LAMA3: variants seen among roughly 807,000 people sequenced by gnomAD.
LAMA3 encodes the protein laminin subunit alpha 3.
LAMA3 carries 281 observed loss-of-function variants against 402.0 expected under a neutral mutation model. The ratio of observed to expected loss-of-function variants is 0.70; its 90% confidence interval spans 0.63 to 0.77. The LOEUF is 0.77. Ranked by LOEUF, LAMA3 falls within the 30% of genes least tolerant of loss-of-function variation. LAMA3 has a pLI of 0.00. For missense variants in LAMA3, 3,840 were observed against 4,215.5 expected (o/e 0.91, Z 2.47); for synonymous variants, 1,431 against 1,558.4 (o/e 0.92, Z 1.93).
chr18:23,763,812 C>A (rs2062023125), intron 8 of LAMA3, among the ~76,000 whole-genome samples: 1 of 152,110 alleles, frequency 6.6e-6, no homozygotes, highest in South Asian at 2.1e-4. Flanking sequence ...TGCTATCCAA[C>A]TTGTGATAGA....
intron 1 of LAMA3, among the ~76,000 whole-genome samples, chr18:23,696,258 G>GTACT (rs1464501709): frequency 4.6e-5 from 7 of 152,134 alleles, no homozygotes; most frequent in Non-Finnish European, 1.0e-4. Flanking sequence ...TGAGGACTTA[G>GTACT]CATTTACTGT....
At chr18:23,750,878 A>C (rs753195862) in intron 4 of LAMA3, 40 bp from the exon 5 acceptor site, 8 of 1,611,596 alleles carry the variant, frequency 5.0e-6, no homozygotes, top group Non-Finnish European at 6.8e-6. Flanking sequence ...TTTTGATAAA[A>C]GGAACTTTTT....
intron 51 of LAMA3, 97 bp downstream of exon 51, chr18:23,904,791 T>C (rs932259913): frequency 1.8e-5 from 24 of 1,309,196 alleles, no homozygotes; most frequent in Non-Finnish European, 2.5e-5. Context: ...AAACAAAGCA[T>C]TATTTTAAAT....
intron 59 of LAMA3, 58 bp downstream of exon 59, chr18:23,915,480 C>G: frequency 6.6e-7 from 1 of 1,504,732 alleles, no homozygotes; most frequent in Non-Finnish European, 9.2e-7. Context: ...ACTTGCAGTA[C>G]TTTTACATAT....
At chr18:23,716,027 A>G (rs1007620870) in intron 2 of LAMA3, among the ~76,000 whole-genome samples, 6 of 152,220 alleles carry the variant, frequency 3.9e-5, no homozygotes, top group Non-Finnish European at 8.8e-5. Flanking sequence ...AGGAATTCAC[A>G]GAGAGCCTTC....
chr18:23,787,893 AAG>A (rs928444713), intron 12 of LAMA3, among the ~76,000 whole-genome samples: 5 of 152,176 alleles, frequency 3.3e-5, no homozygotes, highest in South Asian at 2.1e-4. Flanking sequence ...AAAATTACAA[AAG>A]AGAGTATAAT....
intron 32 of LAMA3, among the ~76,000 whole-genome samples, chr18:23,850,970 A>G (rs1358555379): frequency 6.6e-6 from 1 of 152,252 alleles, no homozygotes; most frequent in African/African-American, 2.4e-5. Context: ...TCAGAAGGGT[A>G]GTAGCCACAG....
chr18:23,867,457 G>A (rs2064386818), intron 36 of LAMA3, among the ~76,000 whole-genome samples: 1 of 150,556 alleles, frequency 6.6e-6, no homozygotes, highest in South Asian at 2.1e-4. Flanking sequence ...GCTAAGGCAG[G>A]AGAATCGCTT....
At chr18:23,859,944 A>T (rs1009550817) in intron 34 of LAMA3, among the ~76,000 whole-genome samples, 5 of 152,108 alleles carry the variant, frequency 3.3e-5, no homozygotes, top group African/African-American at 1.2e-4. Flanking sequence ...GCCACCACTT[A>T]TCTCATTAGC....
Position 23,923,745 on chromosome 18 carries a change from A to G in LAMA3, c.8177+2160A>G, listed in dbSNP as rs544150839. Among the ~76,000 whole-genome samples, 4 of 152,322 alleles carry G rather than the reference A, an allele frequency of 2.6e-5. No homozygotes were observed. The South Asian group carries it at 6.2e-4, about 24-fold the overall frequency. On this transcript the variant is annotated intron_variant, in intron 62 of 74. Transcript: ENST00000313654. The stretch of plus-strand genomic sequence containing the variant: ...GAGGCCAGTGGGCTTACCCAGAGCC[A>G]GGAGGAATTCTCAAGTTGAGGCAAT...
At chr18:23,917,549 C>T (rs560503761) in intron 60 of LAMA3, among the ~76,000 whole-genome samples, 174 of 152,228 alleles carry the variant, frequency 1.1e-3, no homozygotes, top group Non-Finnish European at 1.9e-3. Flanking sequence ...TTGACTTTTT[C>T]ATAATTCCCT....
intron 19 of LAMA3, among the ~76,000 whole-genome samples, chr18:23,820,297 AG>A (rs2063260058): frequency 6.6e-6 from 1 of 152,208 alleles, no homozygotes; most frequent in South Asian, 2.1e-4. Flanking sequence ...TTTTTATAGA[AG>A]GGGGAAGTTT....
intron 8 of LAMA3, among the ~76,000 whole-genome samples, chr18:23,764,208 A>C (rs932258241): frequency 1.3e-5 from 2 of 152,226 alleles, no homozygotes; most frequent in East Asian, 3.8e-4. Flanking sequence ...CTACATACCC[A>C]TAGAGAGAGC....
rs188757650 is a variant in LAMA3 at position 23,845,632 on chromosome 18, A to C, written c.3719+508A>C. On this transcript the variant is annotated intron_variant, in intron 30 of 74. Coordinates refer to ENST00000313654, the MANE Select transcript of LAMA3 (RefSeq NM_198129.4). ...TCCTGCCATTCTCTTCTGTGGACCC[A>C]CCCTTTCCCTGTCATAGATTCCTGA... is the stretch of plus-strand genomic sequence containing the variant. 1.8e-4 allele frequency among the ~76,000 whole-genome samples: 28 copies of C among 152,124 alleles called. 1 individual carries two copies. Among genetic ancestry groups the C allele is most frequent in the African/African-American group, 5.5e-4 (23 of 41,508 alleles).
At chr18:23,933,103 A>C (rs551365866) in intron 66 of LAMA3, among the ~76,000 whole-genome samples, 127 of 152,366 alleles carry the variant, frequency 8.3e-4, no homozygotes, top group African/African-American at 2.9e-3. Context: ...TCCTCCTCAT[A>C]GTCAGATAAA....
At chr18:23,858,594 C>T (rs1244714906) in intron 33 of LAMA3, 95 bp from the exon 34 acceptor site, 1 of 1,116,652 alleles carries the variant, frequency 9.0e-7, no homozygotes, top group Admixed American at 1.7e-5. Flanking sequence ...CTCATCCTAA[C>T]ATCTTGTGTT....
intron 1 of LAMA3, among the ~76,000 whole-genome samples, chr18:23,690,206 C>A (rs201949793): frequency 6.6e-6 from 1 of 152,162 alleles, no homozygotes; most frequent in Non-Finnish European, 1.5e-5. Flanking sequence ...CGCGAGGTGA[C>A]ATGAGGCTGT....
At chr18:23,950,276 T>G in intron 72 of LAMA3, 117 bp downstream of exon 72, 1 of 1,103,284 alleles carries the variant, frequency 9.1e-7, no homozygotes, top group Non-Finnish European at 1.4e-6. Context: ...TTTAAGAGCC[T>G]TGACTTCAGT....
Position 23,689,921 on chromosome 18 carries a change from C to G in LAMA3, c.238C>G (p.Leu80Val), listed in dbSNP as rs2060547496. The change falls in exon 1 of 75, where the codon CTC becomes GTC. Residue 80 changes from leucine (L) to valine (V), a missense_variant. This residue lies in a region of LAMA3 where 2,109 missense variants were observed against 2,376.0 expected (regional missense o/e 0.89). Coordinates refer to ENST00000313654, the MANE Select transcript of LAMA3 (RefSeq NM_198129.4). The part of the protein sequence containing the change: ...GPGEGRPQPE[L>V]YCKLVGGPTA... Reference sequence around the variant, plus strand: ...CGGCGAGGGGAGGCCCCAGCCCGAGCTCTACTGCAAGTTGGTCGGGGGCCC... The same window carrying G: ...CGGCGAGGGGAGGCCCCAGCCCGAGGTCTACTGCAAGTTGGTCGGGGGCCC... 3.3e-6 allele frequency: 5 copies of G among 1,532,146 alleles called. No individual in the cohort carries two copies. Among genetic ancestry groups the G allele is most frequent in the African/African-American group, 2.8e-5 (2 of 71,020 alleles). 94.9% of individuals were successfully genotyped at this position (1,532,146 alleles called of 1,614,324 possible).
Sources: allele counts gnomAD v4.1 joint callset (sites outside exome capture counted in the v4.1 genomes callset), GRCh38; gene constraint gnomAD v4.1.1; regional missense constraint gnomAD v4.1.1; transcripts MANE v1.5; gene names NCBI Gene and HGNC (gene_info 2026-07-23, HGNC 2026-07-21).